The following CRISPLD2 variants were observed in gnomAD, a reference collection of about 807,000 sequenced individuals.
The protein encoded by CRISPLD2 is cysteine rich secretory protein LCCL domain containing 2.
Under a neutral mutation model 71.1 loss-of-function variants are expected in CRISPLD2, and 47 were observed. That is an observed-to-expected ratio of 0.66 (90% CI 0.52 to 0.84). CRISPLD2 has a LOEUF of 0.84. Among genes scored for constraint, CRISPLD2 ranks in the 40% least tolerant of loss-of-function variants. The probability of loss-of-function intolerance (pLI) is 0.00; values close to 1 mark genes in which losing one functional copy is unlikely to be tolerated. For synonymous variants in CRISPLD2, 317 were observed against 250.1 expected (o/e 1.27, Z -2.52); for missense variants, 830 against 651.1 (o/e 1.27, Z -2.99).
At chr16:84,876,082 G>C (rs1876526669) in intron 11 of CRISPLD2, among the ~76,000 whole-genome samples, 2 of 152,128 alleles carry the variant, frequency 1.3e-5, no homozygotes, top group African/African-American at 4.8e-5. Flanking sequence ...AGTTTTATTG[G>C]AACACAGTTA....
At chr16:84,877,924 T>C (rs1274355803) in intron 12 of CRISPLD2, among the ~76,000 whole-genome samples, 8 of 151,576 alleles carry the variant, frequency 5.3e-5, no homozygotes, top group Admixed American at 2.0e-4. Context: ...AAGTAAACGA[T>C]GTGTGGCCGG....
intron 14 of CRISPLD2, among the ~76,000 whole-genome samples, chr16:84,904,712 A>G (rs2143396288): frequency 6.6e-6 from 1 of 152,340 alleles, no homozygotes; most frequent in Middle Eastern, 3.4e-3. Context: ...CAGTGGGCAG[A>G]GAATAATTTC....
At position 84,872,993 on chromosome 16, in the gene CRISPLD2, C is replaced by T. The variant is rs373672055; in HGVS notation, c.983C>T (p.Ser328Leu). ...KIFGTLFYES[S>L]SSICRAAIHY... ...GGTCTTCTCTTCCCTTCCCGCCAGT[C>T]GTCTAGCATATGCCGCGCCGCCATC... Residue 328 changes from serine to leucine, a missense_variant and splice_region_variant, in exon 10 of 15, where the codon TCG (serine) becomes TTG (leucine). Transcript: ENST00000262424. The T allele has an allele frequency of 1.3e-5, 21 of 1,606,990 alleles. No homozygotes were observed. Among genetic ancestry groups the T allele is most frequent in the Admixed American group, 6.8e-5 (4 of 58,420 alleles).
Position 84,825,683 on chromosome 16 carries a change from G to A in CRISPLD2, c.-75+5550G>A, listed in dbSNP as rs144806673. On this transcript the variant is annotated intron_variant, in intron 1 of 14. Coordinates refer to ENST00000262424, the MANE Select transcript of CRISPLD2 (RefSeq NM_031476.4). ...AGGGAGGAGAACCGCTTGAGCCTGG[G>A]AGGCAGAGGCTGCAGTGAGCCAAGA... Among the ~76,000 whole-genome samples the A allele has an allele frequency of 4.2e-3, 646 of 152,228 alleles. 3 individuals carry two copies. Among genetic ancestry groups the A allele is most frequent in the Non-Finnish European group, 6.7e-3 (454 of 68,010 alleles).
rs752340166 is a variant in CRISPLD2, at chr16:84,906,711, G to T, written c.*69G>T. On this transcript the variant is annotated 3_prime_UTR_variant, in exon 15 of 15. Coordinates refer to ENST00000262424, the MANE Select transcript of CRISPLD2 (RefSeq NM_031476.4). ...GGGGTTTTGCTTTTATTTTTATTTT[G>T]TCATTGCGGGGTATATGGAGAGTCA... The T allele has an allele frequency of 1.7e-5, 26 of 1,547,232 alleles. No individual in the cohort carries two copies. The highest frequency in any genetic ancestry group is 2.1e-5 in the Non-Finnish European group (24 of 1,119,604).
chr16:84,862,721 A>G (rs1331813654), intron 6 of CRISPLD2, among the ~76,000 whole-genome samples: 1 of 126,724 alleles, frequency 7.9e-6, no homozygotes, highest in Admixed American at 1.0e-4. Context: ...CAGCCTTGCC[A>G]TGACCGAGGG....
intron 1 of CRISPLD2, among the ~76,000 whole-genome samples, chr16:84,822,946 T>G (rs4238714): frequency 6.6e-6 from 1 of 151,886 alleles, no homozygotes; most frequent in Non-Finnish European, 1.5e-5. Context: ...TTGGAAGTAT[T>G]GTGCAGCCAC....
chr16:84,854,941 T>C, intron 6 of CRISPLD2, 112 bp downstream of exon 6: 5 of 798,474 alleles, frequency 6.3e-6, no homozygotes, highest in South Asian at 3.0e-5. Context: ...CTCCTGGCCC[T>C]ATTTAAGACG....
At chr16:84,856,292 A>G (rs554448266) in intron 6 of CRISPLD2, among the ~76,000 whole-genome samples, 10 of 152,182 alleles carry the variant, frequency 6.6e-5, no homozygotes, top group Admixed American at 2.0e-4. Context: ...ACTCTTCCTT[A>G]CCTCCACTGT....
intron 6 of CRISPLD2, among the ~76,000 whole-genome samples, chr16:84,862,139 G>C (rs1403039183): frequency 6.6e-6 from 1 of 152,092 alleles, no homozygotes; most frequent in East Asian, 1.9e-4. Context: ...CTGTGCTAGA[G>C]GTTTCTCGCC....
chr16:84,899,769 G>T (rs75164570), intron 14 of CRISPLD2, among the ~76,000 whole-genome samples: 181 of 152,268 alleles, frequency 1.2e-3, no homozygotes, highest in African/African-American at 4.1e-3. Context: ...ACATCTGGAC[G>T]GCAGCCTGAA....
intron 13 of CRISPLD2, among the ~76,000 whole-genome samples, chr16:84,887,675 G>T (rs1428821252): frequency 6.6e-6 from 1 of 151,912 alleles, no homozygotes; most frequent in Non-Finnish European, 1.5e-5. Context: ...TCAGGAGTTC[G>T]ACACCAGCCT....
chr16:84,824,817 A>G (rs1200217803), intron 1 of CRISPLD2, among the ~76,000 whole-genome samples: 1 of 152,168 alleles, frequency 6.6e-6, no homozygotes, highest in African/African-American at 2.4e-5. Context: ...AAAATACAAA[A>G]TATGGGGCCA....
rs974761739 is a variant in CRISPLD2, at chr16:84,897,913, G to A, written c.1439+8550G>A. Among the ~76,000 whole-genome samples, 11 of 152,182 alleles carry A rather than the reference G, an allele frequency of 7.2e-5. 1 individual carries two copies. The highest frequency in any genetic ancestry group is 5.9e-4 in the Admixed American group (9 of 15,274). ...ATTACAGGCGTGAGCTACCACACCC[G>A]GCTTAAACACGCTTTTTAAAAAGGG... On this transcript the variant is annotated intron_variant, in intron 14 of 14. Coordinates refer to ENST00000262424, the MANE Select transcript of CRISPLD2 (RefSeq NM_031476.4).
chr16:84,850,466 T>G (rs4782673), intron 4 of CRISPLD2, 102 bp from the exon 5 acceptor site: 594,873 of 868,162 alleles, frequency 0.69, 206,280 homozygotes, highest in East Asian at 0.81. Flanking sequence ...ACCCTTCACC[T>G]CGTACCTCTT....
rs528955185 is a variant in CRISPLD2, at chr16:84,824,338, C to T, written c.-75+4205C>T. 7.9e-5 allele frequency among the ~76,000 whole-genome samples: 12 copies of T among 152,274 alleles called. No homozygotes were observed. In the South Asian group the frequency reaches 2.1e-3, roughly 26 times the overall value. On this transcript the variant is annotated intron_variant, in intron 1 of 14. Coordinates refer to ENST00000262424, the MANE Select transcript of CRISPLD2 (RefSeq NM_031476.4). Reference sequence around the variant, plus strand: ...CCATCAAGATGAACAGAGAGTAACACGGTGGCACTGAGAACTTGAGAACAG... The same window carrying T: ...CCATCAAGATGAACAGAGAGTAACATGGTGGCACTGAGAACTTGAGAACAG...
chr16:84,834,548 G>A (rs781360456), intron 1 of CRISPLD2, among the ~76,000 whole-genome samples: 6 of 152,192 alleles, frequency 3.9e-5, no homozygotes, highest in South Asian at 2.1e-4. Context: ...GCCTCCTAAC[G>A]TGCCTGTCTG....
At chr16:84,826,687 G>A (rs557167105) in intron 1 of CRISPLD2, among the ~76,000 whole-genome samples, 1 of 152,234 alleles carries the variant, frequency 6.6e-6, no homozygotes, top group African/African-American at 2.4e-5. Context: ...CTGGGCCTTG[G>A]CATCGCAGGA....
chr16:84,882,371 A>T (rs4783094), intron 13 of CRISPLD2, among the ~76,000 whole-genome samples: 45,562 of 114,446 alleles, frequency 0.4, 9,169 homozygotes, highest in East Asian at 0.64. Context: ...AAAAAAAAAA[A>T]GCAAGAACTT....
Sources: gnomAD v4.1 joint callset for allele counts (sites outside exome capture counted in the v4.1 genomes callset) on GRCh38, gnomAD v4.1.1 for gene constraint, MANE v1.5 for transcripts, NCBI Gene and HGNC (gene_info 2026-07-23, HGNC 2026-07-21) for gene names.